KLHDC10: variants seen among roughly 807,000 people sequenced by gnomAD.
KLHDC10 encodes kelch domain containing 10, also known as kelch domain-containing protein 10.
KLHDC10 carries 24 observed loss-of-function variants against 56.1 expected under a neutral mutation model. The ratio of observed to expected loss-of-function variants is 0.43; its 90% confidence interval spans 0.31 to 0.60. KLHDC10 has a LOEUF of 0.60. Ranked by LOEUF, KLHDC10 falls within the 20% of genes least tolerant of loss-of-function variation. KLHDC10 has a pLI of 0.11. For missense variants in KLHDC10, 349 were observed against 567.0 expected (o/e 0.62, Z 3.91); for synonymous variants, 188 against 207.1 (o/e 0.91, Z 0.79).
At chr7:130,076,779 T>C (rs990503214) in intron 1 of KLHDC10, among the ~76,000 whole-genome samples, 1 of 152,194 alleles carries the variant, frequency 6.6e-6, no homozygotes, top group Non-Finnish European at 1.5e-5. Context: ...TTTGAGGTTA[T>C]TACTGGACTT....
chr7:130,070,735 G>A lies in KLHDC10; in HGVS notation c.92G>A (p.Ser31Asn). ...GGAGGTAGCGGGGCCGGCGGGGGCA[G>A]TGGGGGCAGCGGGGGTCGGGGGACT... is the stretch of plus-strand genomic sequence containing the variant. ...GGGGSGAGGGSGGSGGRGTGQ... is the reference protein window; with the variant it reads ...GGGGSGAGGGNGGSGGRGTGQ... The change falls in exon 1 of 10, where the codon AGT (serine) becomes AAT (asparagine). Residue 31 changes from serine (S) to asparagine (N), a missense_variant. Physicochemically the swap from Ser to Asn is conservative, Grantham distance 46. This residue lies in a region of KLHDC10 where 104 missense variants were observed against 97.0 expected (regional missense o/e 1.07). Transcript: ENST00000335420. The A allele has an allele frequency of 1.6e-6, 2 of 1,285,814 alleles. No individual in the cohort carries two copies. Among genetic ancestry groups the A allele is most frequent in the Non-Finnish European group, 9.9e-7 (1 of 1,014,530 alleles). The allele number at this position is 1,285,814 out of a possible 1,614,324, so 79.7% of individuals were successfully genotyped here. A position where few individuals can be genotyped will look rare whatever the true frequency, so the allele number is the denominator to read the frequency against.
At position 130,116,319 on chromosome 7, in the gene KLHDC10, A is replaced by T. The variant is rs1796166851; in HGVS notation, c.254-126A>T. On this transcript the variant is annotated intron_variant, in intron 2 of 9. Coordinates refer to ENST00000335420, the MANE Select transcript of KLHDC10 (RefSeq NM_014997.4). The surrounding 1 kb of genome is among the most constrained non-coding windows in gnomAD (Gnocchi z 4.8). ...ATCCATGTTATAAATCTAAACAAAT[A>T]AGAAGTATATCCATGTTATAAATCC... 4.6e-6 allele frequency: 3 copies of T among 651,208 alleles called. No individual in the cohort carries two copies. The South Asian group carries it at 5.7e-5, about 12-fold the overall frequency. The allele number at this position is 651,208 out of a possible 1,614,324, so 40.3% of individuals were successfully genotyped here.
chr7:130,129,322 T>C, intron 8 of KLHDC10, 115 bp from the exon 9 acceptor site: 1 of 1,166,046 alleles, frequency 8.6e-7, no homozygotes, highest in African/African-American at 1.5e-5. Flanking sequence ...GTCTGTGTCA[T>C]GGGGCAATCC....
intron 1 of KLHDC10, among the ~76,000 whole-genome samples, chr7:130,079,875 TC>T (rs1795576808): frequency 1.5e-5 from 2 of 129,570 alleles, no homozygotes; most frequent in Admixed American, 7.5e-5. Flanking sequence ...CCTTTCTTCC[TC>T]CCTCCCTCCC....
At chr7:130,074,242 T>C (rs1053577730) in intron 1 of KLHDC10, among the ~76,000 whole-genome samples, 3 of 152,208 alleles carry the variant, frequency 2.0e-5, no homozygotes, top group Non-Finnish European at 2.9e-5. Flanking sequence ...CATTCCATTC[T>C]CTTGTTTTAA....
rs988508115 is a variant in KLHDC10, at chr7:130,120,052, A to G, written c.476-697A>G. On this transcript the variant is annotated intron_variant, in intron 3 of 9. Coordinates refer to ENST00000335420, the MANE Select transcript of KLHDC10 (RefSeq NM_014997.4). This position sits in a 1 kb window ranked among gnomAD's most constrained non-coding sequence, Gnocchi z 5.1. ...GGTGTGTTTTGTTTTAATCTGGTAG[A>G]GGATTAAAATGACAGAAACCATAAT... Among the ~76,000 whole-genome samples, 1 of 152,206 alleles carries G rather than the reference A, an allele frequency of 6.6e-6. No individual in the cohort carries two copies. The highest frequency in any genetic ancestry group is 1.5e-5 in the Non-Finnish European group (1 of 68,036).
In KLHDC10 at chr7:130,116,544, G is replaced by A. The variant is rs375041993; in HGVS notation, c.353G>A (p.Gly118Glu). ...TATAACCCAGATTATGATGAATCGG[G>A]AGGGCCTGATAATGAAGACTATCCT... is the stretch of plus-strand genomic sequence containing the variant. ...GGYNPDYDES[G>E]GPDNEDYPLF... Residue 118 changes from glycine (G) to glutamate (E), a missense_variant, in exon 3 of 10, where the codon GGA (glycine) becomes GAA (glutamate). Gly to Glu is a moderately conservative substitution (Grantham distance 98). This residue lies in a region of KLHDC10 where 245 missense variants were observed against 470.1 expected (regional missense o/e 0.52). Coordinates refer to ENST00000335420, the MANE Select transcript of KLHDC10 (RefSeq NM_014997.4). The surrounding 1 kb of genome is among the most constrained non-coding windows in gnomAD (Gnocchi z 4.8). 2.6e-5 allele frequency: 42 copies of A among 1,614,020 alleles called. No individual in the cohort carries two copies. The highest frequency in any genetic ancestry group is 3.4e-5 in the Non-Finnish European group (40 of 1,180,022).
chr7:130,103,542 G>A (rs1006208288), intron 2 of KLHDC10, among the ~76,000 whole-genome samples: 4 of 151,938 alleles, frequency 2.6e-5, no homozygotes, highest in Non-Finnish European at 5.9e-5. Flanking sequence ...CGTTACTAAA[G>A]TACTTACTAT....
At chr7:130,101,752 C>T (rs929347704) in intron 2 of KLHDC10, among the ~76,000 whole-genome samples, 24 of 151,938 alleles carry the variant, frequency 1.6e-4, no homozygotes, top group Non-Finnish European at 1.5e-5. Context: ...GGGCAGATCA[C>T]GAGGTCAGGA....
chr7:130,078,666 G>C (rs1010498132), intron 1 of KLHDC10, among the ~76,000 whole-genome samples: 4 of 151,936 alleles, frequency 2.6e-5, no homozygotes, highest in Non-Finnish European at 4.4e-5. Flanking sequence ...CGACAGGCGC[G>C]TGCCACTACA....
intron 2 of KLHDC10, among the ~76,000 whole-genome samples, chr7:130,098,944 G>A (rs1044123632): frequency 6.6e-6 from 1 of 152,200 alleles, no homozygotes; most frequent in Non-Finnish European, 1.5e-5. Flanking sequence ...ATCAGTGGTT[G>A]AGAAAGGTGG....
rs1027639285 is a variant in KLHDC10, at chr7:130,132,217, C to G, written c.*1471C>G. The G allele has an allele frequency of 6.6e-6, 1 of 152,156 alleles. No individual in the cohort carries two copies. The highest frequency in any genetic ancestry group is 1.5e-5 in the Non-Finnish European group (1 of 68,026). The allele number at this position is 152,156 out of a possible 1,614,324, so 9.4% of individuals were successfully genotyped here. ...GCGTGCAAGGGGCAGCGCTGGTCCT[C>G]CCGGGGCCAACTCACAGCAGGAGAC... On this transcript the variant is annotated 3_prime_UTR_variant, in exon 10 of 10. Coordinates refer to ENST00000335420, the MANE Select transcript of KLHDC10 (RefSeq NM_014997.4).
rs199989971 is a variant in KLHDC10 at position 130,096,957 on chromosome 7, G to A, written c.203G>A (p.Arg68His). 4.3e-6 allele frequency: 7 copies of A among 1,611,144 alleles called. No individual in the cohort carries two copies. The highest frequency in any genetic ancestry group is 2.2e-5 in the East Asian group (1 of 44,838). ...ATACGATGGGACCCAGTTAGGAGGC[G>A]CTTCATTCAGTCCTGTCCCATCATA... ...KKIRWDPVRR[R>H]FIQSCPIIRI... The change falls in exon 2 of 10, where the codon CGC becomes CAC. Residue 68 changes from arginine (R) to histidine (H), a missense_variant. This residue lies in a region of KLHDC10 where 245 missense variants were observed against 470.1 expected (regional missense o/e 0.52). Coordinates refer to ENST00000335420, the MANE Select transcript of KLHDC10 (RefSeq NM_014997.4).
chr7:130,123,861 G>T (rs1313730239), intron 5 of KLHDC10, among the ~76,000 whole-genome samples: 1 of 152,140 alleles, frequency 6.6e-6, no homozygotes, highest in African/African-American at 2.4e-5. Flanking sequence ...TTAGCTTTTA[G>T]CTAGACTGCC....
intron 2 of KLHDC10, among the ~76,000 whole-genome samples, chr7:130,107,448 C>T (rs575165240): frequency 2.3e-4 from 35 of 151,920 alleles, no homozygotes; most frequent in South Asian, 2.1e-4. Flanking sequence ...TAACAGCAAC[C>T]AATTACAAAA....
intron 1 of KLHDC10, among the ~76,000 whole-genome samples, chr7:130,089,824 C>T (rs2116860005): frequency 6.6e-6 from 1 of 152,156 alleles, no homozygotes; most frequent in East Asian, 1.9e-4. Flanking sequence ...AGGACTGTAC[C>T]ACATGTTGTA....
In KLHDC10 at chr7:130,071,842, A is replaced by C. The variant is rs563277240; in HGVS notation, c.166+1033A>C. 3.9e-5 allele frequency among the ~76,000 whole-genome samples: 6 copies of C among 152,342 alleles called. No individual in the cohort carries two copies. In the South Asian group the frequency reaches 1.2e-3, roughly 32 times the overall value. On this transcript the variant is annotated intron_variant, in intron 1 of 9. Coordinates refer to ENST00000335420, the MANE Select transcript of KLHDC10 (RefSeq NM_014997.4). ...AATTGGTTTTTATGAATTGTGCTTA[A>C]GACTGTACCTTATACTTCTAGTCAA... is the stretch of plus-strand genomic sequence containing the variant.
At chr7:130,098,877 A>G (rs1249219110) in intron 2 of KLHDC10, among the ~76,000 whole-genome samples, 1 of 152,120 alleles carries the variant, frequency 6.6e-6, no homozygotes, top group African/African-American at 2.4e-5. Context: ...GTGGAGAAAA[A>G]AGATTGCACA....
intron 1 of KLHDC10, among the ~76,000 whole-genome samples, chr7:130,088,649 CTT>C (rs111405203): frequency 5.0e-5 from 7 of 140,088 alleles, no homozygotes; most frequent in Admixed American, 7.3e-5. Context: ...TTCTTTCTTT[CTT>C]TTTTTTTTTT....
Sources: allele counts gnomAD v4.1 joint callset (sites outside exome capture counted in the v4.1 genomes callset), GRCh38; gene constraint gnomAD v4.1.1; regional missense constraint gnomAD v4.1.1; non-coding constraint Gnocchi (gnomAD v3.1); transcripts MANE v1.5; gene names NCBI Gene and HGNC (gene_info 2026-07-23, HGNC 2026-07-21).